The following SORCS2 variants were observed in gnomAD, a reference collection of about 807,000 sequenced individuals.
The protein encoded by SORCS2 is VPS10 domain-containing receptor SorCS2.
In SORCS2, 100 loss-of-function variants were observed where a neutral mutation model predicts 141.6. The ratio of observed to expected loss-of-function variants is 0.71; its 90% confidence interval spans 0.60 to 0.83. The LOEUF is 0.83. SORCS2 is among the 40% of genes least tolerant of loss of function. The pLI, the probability that SORCS2 is intolerant of heterozygous loss-of-function variation, is 0.00. For missense variants in SORCS2, 1,646 were observed against 1,560.2 expected, an observed-to-expected ratio of 1.05 and a Z score of -0.93; for synonymous variants, 789 against 676.9, an observed-to-expected ratio of 1.17 and a Z score of -2.57.
chr4:7,683,708 C>T (rs1013266327), intron 10 of SORCS2, among the ~76,000 whole-genome samples: 2 of 152,230 alleles, frequency 1.3e-5, no homozygotes, highest in East Asian at 1.9e-4. Flanking sequence ...TACCATCGCA[C>T]TGCCAGTAAG....
intron 1 of SORCS2, among the ~76,000 whole-genome samples, chr4:7,231,299 G>A (rs1711865664): frequency 6.6e-6 from 1 of 152,232 alleles, no homozygotes; most frequent in South Asian, 2.1e-4. Flanking sequence ...GATTGGATGA[G>A]GCTGGCCTGC....
intron 3 of SORCS2, among the ~76,000 whole-genome samples, chr4:7,544,269 C>G (rs140159278): frequency 2.4e-3 from 368 of 152,348 alleles, no homozygotes; most frequent in Non-Finnish European, 4.5e-3. Context: ...GCCATCTATG[C>G]TGCTGCTGAC....
At chr4:7,673,995 C>T (rs982481090) in intron 8 of SORCS2, among the ~76,000 whole-genome samples, 10 of 150,086 alleles carry the variant, frequency 6.7e-5, no homozygotes, top group Non-Finnish European at 4.5e-5. Context: ...GCATTTTGGC[C>T]CATGGCGCTG....
At chr4:7,196,569 C>T (rs1302242810) in intron 1 of SORCS2, among the ~76,000 whole-genome samples, 1 of 152,048 alleles carries the variant, frequency 6.6e-6, no homozygotes, top group Non-Finnish European at 1.5e-5. Flanking sequence ...GTTTGTTCAC[C>T]TCTGTCATTG....
At chr4:7,575,706 C>G (rs930859622) in intron 3 of SORCS2, among the ~76,000 whole-genome samples, 3 of 152,238 alleles carry the variant, frequency 2.0e-5, no homozygotes, top group African/African-American at 7.2e-5. Context: ...GGACTGGACA[C>G]TTGCTCCTGT....
At chr4:7,647,499 A>G (rs1416389605) in intron 4 of SORCS2, among the ~76,000 whole-genome samples, 1 of 152,190 alleles carries the variant, frequency 6.6e-6, no homozygotes, top group Admixed American at 6.5e-5. Context: ...CACCTTTGCC[A>G]GGACAGTTCC....
chr4:7,518,592 AG>A (rs1157539455), intron 2 of SORCS2, among the ~76,000 whole-genome samples: 3 of 152,178 alleles, frequency 2.0e-5, no homozygotes, highest in African/African-American at 7.2e-5. Context: ...CCTCCCAAAT[AG>A]GTTGGTTCCT....
intron 2 of SORCS2, among the ~76,000 whole-genome samples, chr4:7,479,705 T>C (rs1312451309): frequency 6.6e-6 from 1 of 152,224 alleles, no homozygotes; most frequent in Non-Finnish European, 1.5e-5. Flanking sequence ...CCATGAGGTC[T>C]TGGGACAGGC....
chr4:7,342,212 C>CAGCTCCTAAGGGCCAGT lies in SORCS2; in HGVS notation c.481-54075_481-54059dup, dbSNP rs1447853297. Among the ~76,000 whole-genome samples the CAGCTCCTAAGGGCCAGT allele has an allele frequency of 2.0e-3, 300 of 152,290 alleles. 9 individuals carry two copies. The East Asian group carries it at 0.047, about 24-fold the overall frequency. On this transcript the variant is annotated intron_variant, in intron 1 of 26. Coordinates refer to ENST00000507866, the MANE Select transcript of SORCS2 (RefSeq NM_020777.3). ...TTCTAGTGCTGGGAACAAGGGGCTGCAGCTCCTAAGGGCCAGTGACAGTGA... is the reference window on the plus strand; with the variant it reads ...TTCTAGTGCTGGGAACAAGGGGCTGCAGCTCCTAAGGGCCAGTAGCTCCTAAGGGCCAGTGACAGTGA...
intron 1 of SORCS2, among the ~76,000 whole-genome samples, chr4:7,393,184 C>T (rs995869583): frequency 7.2e-5 from 11 of 152,102 alleles, no homozygotes; most frequent in African/African-American, 1.2e-4. Context: ...TCGTCTGTTG[C>T]TTGGACATTC....
At chr4:7,540,822 C>T (rs575068744) in intron 3 of SORCS2, among the ~76,000 whole-genome samples, 3 of 152,232 alleles carry the variant, frequency 2.0e-5, no homozygotes, top group Admixed American at 6.5e-5. Flanking sequence ...GAACATTACC[C>T]ACCTCATCTG....
At chr4:7,506,056 A>G (rs1171139033) in intron 2 of SORCS2, among the ~76,000 whole-genome samples, 1 of 152,122 alleles carries the variant, frequency 6.6e-6, no homozygotes, top group Non-Finnish European at 1.5e-5. Flanking sequence ...CTCTCTCTAT[A>G]GGGGCACTAA....
chr4:7,605,213 C>T (rs545375471), intron 3 of SORCS2, among the ~76,000 whole-genome samples: 14 of 152,118 alleles, frequency 9.2e-5, no homozygotes, highest in African/African-American at 3.4e-4. Flanking sequence ...ATATCCCAGT[C>T]GTTGGAAAGG....
chr4:7,335,045 G>C (rs3892210), intron 1 of SORCS2, among the ~76,000 whole-genome samples: 1 of 152,024 alleles, frequency 6.6e-6, no homozygotes, highest in Non-Finnish European at 1.5e-5. Context: ...CTCAGTAGCA[G>C]TGGGGAGCCA....
intron 11 of SORCS2, 67 bp from the exon 12 acceptor site, chr4:7,697,131 C>A: frequency 7.2e-7 from 1 of 1,394,820 alleles, no homozygotes. Flanking sequence ...TTTCCATGCT[C>A]AGACTTGTTA....
intron 3 of SORCS2, among the ~76,000 whole-genome samples, chr4:7,634,323 A>C (rs1298536267): frequency 1.3e-5 from 2 of 151,772 alleles, no homozygotes; most frequent in South Asian, 2.1e-4. Flanking sequence ...CGGTAAGACG[A>C]GATCGTGCCG....
chr4:7,706,089 A>AGGGATGAGGCTGAGCTCTGTCTGG, intron 14 of SORCS2, among the ~76,000 whole-genome samples: 1 of 141,214 alleles, frequency 7.1e-6, no homozygotes, highest in Non-Finnish European at 1.6e-5. Flanking sequence ...CTGCCTGGAC[A>AGGGATGAGGCTGAGCTCTGTCTGG]GAGATGAGGC....
intron 8 of SORCS2, among the ~76,000 whole-genome samples, chr4:7,673,476 A>C (rs1304774363): frequency 6.6e-6 from 1 of 152,238 alleles, no homozygotes; most frequent in African/African-American, 2.4e-5. Flanking sequence ...AGTCATTAAA[A>C]GTGCTGTGTA....
At chr4:7,548,770 G>A (rs1713463429) in intron 3 of SORCS2, among the ~76,000 whole-genome samples, 1 of 152,174 alleles carries the variant, frequency 6.6e-6, no homozygotes, top group South Asian at 2.1e-4. Context: ...CCAGGGAGGA[G>A]GCCATCAGAT....
Sources: gnomAD v4.1 joint callset for allele counts (sites outside exome capture counted in the v4.1 genomes callset) on GRCh38, gnomAD v4.1.1 for gene constraint, MANE v1.5 for transcripts, NCBI Gene and HGNC (gene_info 2026-07-23, HGNC 2026-07-21) for gene names.